Variants in PRR16 observed in about 807,000 individuals in gnomAD.
PRR16 encodes the protein protein Largen.
A neutral mutation model predicts 18.2 loss-of-function variants in PRR16; 6 were observed. The observed-to-expected ratio is 0.33, with a 90% CI of 0.18 to 0.65. The LOEUF (loss-of-function observed/expected upper bound fraction) is 0.65, where lower values mean the gene tolerates loss of function less well. Ranked by LOEUF, PRR16 falls within the 30% of genes least tolerant of loss-of-function variation. The pLI, the probability that PRR16 is intolerant of heterozygous loss-of-function variation, is 0.74. For synonymous variants in PRR16, 151 were observed against 147.8 expected (o/e 1.02, Z -0.16); for missense variants, 412 against 376.6 (o/e 1.09, Z -0.78).
intron 1 of PRR16, among the ~76,000 whole-genome samples, chr5:120,485,765 C>T (rs975687104): frequency 2.0e-5 from 3 of 152,116 alleles, no homozygotes; most frequent in African/African-American, 7.2e-5. Context: ...CGTCATCTAA[C>T]ATTAGATATA....
the PRR16 span, among the ~76,000 whole-genome samples, chr5:120,761,947 C>G: frequency 6.6e-6 from 1 of 152,078 alleles, no homozygotes; most frequent in Non-Finnish European, 1.5e-5. Flanking sequence ...ATTTTTACCT[C>G]CCATATATGA....
intron 1 of PRR16, among the ~76,000 whole-genome samples, chr5:120,551,817 G>A (rs74759951): frequency 0.032 from 4,854 of 152,004 alleles, 97 homozygotes; most frequent in Non-Finnish European, 0.044. Context: ...ATACTAGTAG[G>A]TTCTCTGACT....
At chr5:120,749,752 CAACA>C in the PRR16 span, among the ~76,000 whole-genome samples, 2 of 152,096 alleles carry the variant, frequency 1.3e-5, no homozygotes, top group Admixed American at 1.3e-4. Flanking sequence ...TGTATAATAG[CAACA>C]AACAGTGTTT....
intron 1 of PRR16, among the ~76,000 whole-genome samples, chr5:120,677,046 C>G (rs566180964): frequency 1.3e-5 from 2 of 152,264 alleles, no homozygotes; most frequent in African/African-American, 4.8e-5. Context: ...TTTTACCTTT[C>G]AGAAGATAAC....
At chr5:120,780,530 T>A in the PRR16 span, among the ~76,000 whole-genome samples, 1 of 152,158 alleles carries the variant, frequency 6.6e-6, no homozygotes, top group Non-Finnish European at 1.5e-5. Context: ...CATCATTTAC[T>A]CCTTTTCTGT....
At chr5:120,511,645 A>G (rs1750830416) in intron 1 of PRR16, among the ~76,000 whole-genome samples, 1 of 152,198 alleles carries the variant, frequency 6.6e-6, no homozygotes, top group African/African-American at 2.4e-5. Context: ...ATCTAGGGCA[A>G]CTTTCTACTC....
chr5:120,501,592 G>A (rs541311111), intron 1 of PRR16, among the ~76,000 whole-genome samples: 2 of 152,038 alleles, frequency 1.3e-5, no homozygotes, highest in East Asian at 1.9e-4. Context: ...TGGTATTTCC[G>A]TATTTTGGTG....
At chr5:120,506,790 C>CA (rs544196111) in intron 1 of PRR16, among the ~76,000 whole-genome samples, 47 of 147,396 alleles carry the variant, frequency 3.2e-4, no homozygotes, top group African/African-American at 8.7e-4. Flanking sequence ...GTTTCCAGGC[C>CA]AAAAAAAAAG....
chr5:120,657,046 A>G (rs1343108528), intron 1 of PRR16, among the ~76,000 whole-genome samples: 2 of 152,000 alleles, frequency 1.3e-5, no homozygotes, highest in Non-Finnish European at 2.9e-5. Context: ...TCGAAAGAAG[A>G]TTGCACCTCA....
At chr5:120,776,583 T>C in the PRR16 span, among the ~76,000 whole-genome samples, 1,018 of 152,210 alleles carry the variant, frequency 6.7e-3, 13 homozygotes, top group African/African-American at 0.024. Flanking sequence ...CCAAAATAGT[T>C]TGAGCAATTC....
intron 1 of PRR16, among the ~76,000 whole-genome samples, chr5:120,472,651 A>G (rs1334534095): frequency 6.6e-6 from 1 of 152,132 alleles, no homozygotes; most frequent in Non-Finnish European, 1.5e-5. Context: ...TAATTTTCAG[A>G]ATTAAAAGTC....
the PRR16 span, among the ~76,000 whole-genome samples, chr5:120,757,919 A>G: frequency 6.6e-5 from 10 of 152,112 alleles, no homozygotes; most frequent in Non-Finnish European, 1.3e-4. Flanking sequence ...AATGCATTGG[A>G]GTAAAAAATT....
chr5:120,607,219 T>G (rs1334756046), intron 1 of PRR16, among the ~76,000 whole-genome samples: 1 of 152,200 alleles, frequency 6.6e-6, no homozygotes, highest in African/African-American at 2.4e-5. Flanking sequence ...TAGGCAGATG[T>G]AGAATATATA....
intron 1 of PRR16, among the ~76,000 whole-genome samples, chr5:120,527,107 AGTAG>A (rs1170603117): frequency 6.6e-6 from 1 of 152,172 alleles, no homozygotes; most frequent in African/African-American, 2.4e-5. Context: ...AGTGGAATCA[AGTAG>A]GGATCAGCAA....
intron 1 of PRR16, among the ~76,000 whole-genome samples, chr5:120,656,467 C>CAAAAAAAA (rs34228222): frequency 1.1e-5 from 1 of 93,504 alleles, no homozygotes; most frequent in African/African-American, 4.1e-5. Flanking sequence ...TAATCACTCT[C>CAAAAAAAA]AAAAAAAAAA....
chr5:120,490,567 A>T (rs1300322363), intron 1 of PRR16, among the ~76,000 whole-genome samples: 1 of 151,988 alleles, frequency 6.6e-6, no homozygotes, highest in Admixed American at 6.6e-5. Context: ...TCTTTTTTCA[A>T]GGTATTTAAC....
chr5:120,685,001 C>T (rs944200571), intron 1 of PRR16, among the ~76,000 whole-genome samples: 3 of 152,124 alleles, frequency 2.0e-5, no homozygotes, highest in Non-Finnish European at 4.4e-5. Flanking sequence ...TAAACATCTG[C>T]TTTGTATTAG....
chr5:120,768,976 A>G, the PRR16 span, among the ~76,000 whole-genome samples: 4 of 151,684 alleles, frequency 2.6e-5, no homozygotes, highest in African/African-American at 7.2e-5. Context: ...CAGTCTTACC[A>G]AAATTTATAT....
chr5:120,738,669 A>G, the PRR16 span, among the ~76,000 whole-genome samples: 4 of 152,186 alleles, frequency 2.6e-5, no homozygotes, highest in Admixed American at 2.6e-4. Flanking sequence ...TTCTCTTCTT[A>G]AGCACAGAGT....
Sources: allele counts gnomAD v4.1 joint callset (sites outside exome capture counted in the v4.1 genomes callset), GRCh38; gene constraint gnomAD v4.1.1; transcripts MANE v1.5; gene names NCBI Gene and HGNC (gene_info 2026-07-23, HGNC 2026-07-21).